Variants in SPEN observed in about 807,000 individuals in gnomAD.
SPEN encodes the protein spen family transcriptional repressor.
In SPEN, 18 loss-of-function variants were observed where a neutral mutation model predicts 269.9. That is an observed-to-expected ratio of 0.07 (90% CI 0.05 to 0.10). The LOEUF is 0.10. Among genes scored for constraint, SPEN ranks in the 10% least tolerant of loss-of-function variants. The pLI, the probability that SPEN is intolerant of heterozygous loss-of-function variation, is 1.00. For missense variants in SPEN, 3,822 were observed against 4,631.2 expected, an observed-to-expected ratio of 0.83 and a Z score of 5.07; for synonymous variants, 1,726 against 1,765.7, an observed-to-expected ratio of 0.98 and a Z score of 0.56.
In SPEN at chr1:15,935,932, A is replaced by G; in HGVS notation, c.9692A>G (p.Lys3231Arg). 2 of 1,611,494 alleles carry G rather than the reference A, an allele frequency of 1.2e-6. No individual in the cohort carries two copies. Among genetic ancestry groups the G allele is most frequent in the South Asian group, 2.2e-5 (2 of 90,958 alleles). Residue 3231 changes from lysine to arginine, a missense_variant, in exon 11 of 15, where the codon AAG becomes AGG. This residue lies in a region of SPEN where 359 missense variants were observed against 377.3 expected (regional missense o/e 0.95). Transcript: ENST00000375759. This position sits in a 1 kb window ranked among gnomAD's most constrained non-coding sequence, Gnocchi z 7.7. ...AGCAAGGCCCCTCAGCAGCCAGGGA[A>G]GGAAGCTGCCAAGACACCAGATGCC... ...PASKAPQQPG[K>R]EAAKTPDAKA...
In SPEN at chr1:15,933,981, C is replaced by A; in HGVS notation, c.7741C>A (p.Pro2581Thr). 1.2e-6 allele frequency: 2 copies of A among 1,613,980 alleles called. No homozygotes were observed. Among genetic ancestry groups the A allele is most frequent in the Non-Finnish European group, 1.7e-6 (2 of 1,179,940 alleles). The change falls in exon 11 of 15, where the codon CCT (proline) becomes ACT (threonine). Residue 2581 changes from proline to threonine, a missense_variant. Transcript: ENST00000375759. The surrounding 1 kb of genome is among the most constrained non-coding windows in gnomAD (Gnocchi z 5.7). ...GCCCCCGCCAGTTGACTCTAAAAAG[C>A]CTTTAGAAGAAAAAACAGCACCTCC... ...APPPPVDSKK[P>T]LEEKTAPPVT...
chr1:15,894,865 T>G (rs1001442528), intron 3 of SPEN, among the ~76,000 whole-genome samples: 4 of 152,008 alleles, frequency 2.6e-5, no homozygotes, highest in Non-Finnish European at 4.4e-5. Flanking sequence ...AGCTTATAAG[T>G]CTTCAAAAAA....
In SPEN at chr1:15,933,270, A is replaced by C. The variant is rs1246062817; in HGVS notation, c.7030A>C (p.Thr2344Pro). 1.9e-6 allele frequency: 3 copies of C among 1,614,194 alleles called. No homozygotes were observed. The highest frequency in any genetic ancestry group is 4.5e-5 in the East Asian group (2 of 44,882). The change falls in exon 11 of 15, where the codon ACA becomes CCA. Residue 2344 changes from threonine to proline, a missense_variant. Around this residue, in one of 16 missense-constraint regions of SPEN, gnomAD observed 727 missense variants for 737.9 expected, o/e 0.99. Transcript: ENST00000375759. This position sits in a 1 kb window ranked among gnomAD's most constrained non-coding sequence, Gnocchi z 5.7. ...KTTRSRRKRNTNKKVVAPVES... is the reference protein window; with the variant it reads ...KTTRSRRKRNPNKKVVAPVES... ...AACCCGATCACGCCGCAAGCGAAAC[A>C]CAAACAAGAAAGTGGTGGCTCCTGT... is the stretch of plus-strand genomic sequence containing the variant.
At chr1:15,938,433 A>C (rs968572564) in intron 13 of SPEN, 59 of 333,588 alleles carry the variant, frequency 1.8e-4, no homozygotes, top group Admixed American at 1.1e-3. Flanking sequence ...GTATTCTTGA[A>C]GTGAGCAATG....
intron 6 of SPEN, among the ~76,000 whole-genome samples, chr1:15,918,312 G>A (rs571182048): frequency 6.6e-6 from 1 of 152,344 alleles, no homozygotes; most frequent in Admixed American, 6.5e-5. Context: ...TCTGCCTCCC[G>A]GGTTCAAGCG....
In SPEN at chr1:15,933,929, T is replaced by C. The variant is rs2148742158; in HGVS notation, c.7689T>C (p.Ser2563=). Residue 2563 remains serine, a synonymous_variant, in exon 11 of 15, where the codon AGT becomes AGC. Coordinates refer to ENST00000375759, the MANE Select transcript of SPEN (RefSeq NM_015001.3). The surrounding 1 kb of genome is among the most constrained non-coding windows in gnomAD (Gnocchi z 5.7). ...SVTTAIAEPV[S]AAPCLHEAPP... Reference sequence around the variant, plus strand: ...CCACAGCCATTGCAGAGCCTGTCAGTGCTGCCCCTTGCCTACATGAGGCCC... The same window carrying C: ...CCACAGCCATTGCAGAGCCTGTCAGCGCTGCCCCTTGCCTACATGAGGCCC... 2 of 1,614,066 alleles carry C rather than the reference T, an allele frequency of 1.2e-6. No homozygotes were observed. The highest frequency in any genetic ancestry group is 2.2e-5 in the South Asian group (2 of 91,090).
At chr1:15,910,205 T>C (rs2070999969) in intron 4 of SPEN, among the ~76,000 whole-genome samples, 1 of 151,808 alleles carries the variant, frequency 6.6e-6, no homozygotes, top group Non-Finnish European at 1.5e-5. Flanking sequence ...AATAGAGTTA[T>C]TGAGATACTA....
chr1:15,852,587 T>C (rs1429098498), intron 1 of SPEN, among the ~76,000 whole-genome samples: 1 of 152,194 alleles, frequency 6.6e-6, no homozygotes, highest in Admixed American at 6.6e-5. Context: ...TGATAGTGTT[T>C]CGCTTGTGTG....
intron 1 of SPEN, among the ~76,000 whole-genome samples, chr1:15,865,438 T>TTTA (rs1242027723): frequency 6.7e-6 from 1 of 150,348 alleles, no homozygotes; most frequent in Non-Finnish European, 1.5e-5. Context: ...TTTTTTTTTT[T>TTTA]TCTGAGACGG....
At chr1:15,910,075 G>C (rs1213804591) in intron 4 of SPEN, among the ~76,000 whole-genome samples, 1 of 146,410 alleles carries the variant, frequency 6.8e-6, no homozygotes, top group Admixed American at 7.0e-5. Context: ...AGTGAGCTGA[G>C]GTCAGGCCAC....
intron 13 of SPEN, 42 bp downstream of exon 13, chr1:15,938,048 G>A (rs751472830): frequency 1.3e-6 from 2 of 1,540,156 alleles, no homozygotes; most frequent in Non-Finnish European, 1.8e-6. Context: ...CCCACCTACA[G>A]GGAGGAAGAC....
chr1:15,914,484 G>GAGAA (rs2071038785), intron 5 of SPEN, among the ~76,000 whole-genome samples: 1 of 152,148 alleles, frequency 6.6e-6, no homozygotes, highest in African/African-American at 2.4e-5. Context: ...TGGAGCTTCA[G>GAGAA]AGAAAGGCTA....
chr1:15,874,251 G>A (rs1320399672), intron 2 of SPEN: 5 of 1,366,108 alleles, frequency 3.7e-6, no homozygotes, highest in South Asian at 3.4e-5. Context: ...TTTTCTTGTG[G>A]TTCATCTAAA....
At position 15,928,545 on chromosome 1, in the gene SPEN, C is replaced by G; in HGVS notation, c.2305C>G (p.Leu769Val). 6.2e-7 allele frequency: 1 copy of G among 1,614,122 alleles called. No individual in the cohort carries two copies. The highest frequency in any genetic ancestry group is 8.5e-7 in the Non-Finnish European group (1 of 1,180,028). The change falls in exon 11 of 15, where the codon CTC becomes GTC. Residue 769 changes from leucine to valine, a missense_variant. This residue lies in a region of SPEN where 572 missense variants were observed against 582.6 expected (regional missense o/e 0.98). Transcript: ENST00000375759. The surrounding 1 kb of genome is among the most constrained non-coding windows in gnomAD (Gnocchi z 5.7). Reference protein sequence around the residue: ...SSDRSGSCSSLSPPRYEKLDK... With the variant: ...SSDRSGSCSSVSPPRYEKLDK... ...AGACCGGAGTGGAAGCTGTAGCTCA[C>G]TCTCCCCTCCAAGATATGAGAAACT...
chr1:15,911,875 C>T (rs1036395976), intron 5 of SPEN, among the ~76,000 whole-genome samples: 5 of 152,204 alleles, frequency 3.3e-5, no homozygotes, highest in South Asian at 2.1e-4. Flanking sequence ...GCGGGAGAAT[C>T]GTGTGAACCC....
chr1:15,920,732 C>CT (rs545998801), intron 8 of SPEN, 138 bp from the exon 9 acceptor site: 1,401 of 349,768 alleles, frequency 4.0e-3, no homozygotes, highest in East Asian at 5.1e-3. Context: ...GTGCATCACA[C>CT]TTTTTTTTTT....
At chr1:15,872,222 C>CAAAAAA (rs58028111) in intron 1 of SPEN, among the ~76,000 whole-genome samples, 1 of 62,166 alleles carries the variant, frequency 1.6e-5, no homozygotes, top group Non-Finnish European at 3.2e-5. Flanking sequence ...GACTCTGTCT[C>CAAAAAA]AAAAAAAAAA....
chr1:15,881,058 T>C (rs1321165060), intron 3 of SPEN, among the ~76,000 whole-genome samples: 2 of 152,152 alleles, frequency 1.3e-5, no homozygotes, highest in Non-Finnish European at 2.9e-5. Flanking sequence ...TGGTCATAGC[T>C]CCTGGGCTCA....
At position 15,928,034 on chromosome 1, in the gene SPEN, T is replaced by C; in HGVS notation, c.1851-57T>C. ...GAATTTCTGATTTCATATGTATGAT[T>C]TTATGCATAAGTGATGAGGAAACAA... On this transcript the variant is annotated intron_variant, in intron 10 of 14. Coordinates refer to ENST00000375759, the MANE Select transcript of SPEN (RefSeq NM_015001.3). This position sits in a 1 kb window ranked among gnomAD's most constrained non-coding sequence, Gnocchi z 5.7. 2 of 1,427,528 alleles carry C rather than the reference T, an allele frequency of 1.4e-6. No homozygotes were observed. The highest frequency in any genetic ancestry group is 1.9e-6 in the Non-Finnish European group (2 of 1,052,600). 88.4% of individuals were successfully genotyped at this position (1,427,528 alleles called of 1,614,324 possible).
Sources: allele counts gnomAD v4.1 joint callset (sites outside exome capture counted in the v4.1 genomes callset), GRCh38; gene constraint gnomAD v4.1.1; regional missense constraint gnomAD v4.1.1; non-coding constraint Gnocchi (gnomAD v3.1); transcripts MANE v1.5; gene names NCBI Gene and HGNC (gene_info 2026-07-23, HGNC 2026-07-21).